Variants in NDC80 observed in about 807,000 individuals in gnomAD.
NDC80 encodes NDC80 kinetochore complex component, also known as kinetochore protein NDC80 homolog.
In NDC80, 69 loss-of-function variants were observed where a neutral mutation model predicts 89.3. That is an observed-to-expected ratio of 0.77 (90% CI 0.64 to 0.94). NDC80 has a LOEUF of 0.94. NDC80 is among the 40% of genes least tolerant of loss of function. The pLI is 0.00. For missense variants in NDC80, 593 were observed against 739.6 expected, an observed-to-expected ratio of 0.80 and a Z score of 2.30; for synonymous variants, 243 against 255.6, an observed-to-expected ratio of 0.95 and a Z score of 0.47.
intron 3 of NDC80, among the ~76,000 whole-genome samples, chr18:2,575,618 T>A (rs1007807290): frequency 1.8e-4 from 27 of 151,696 alleles, no homozygotes; most frequent in Middle Eastern, 6.8e-3. Context: ...CAAAAAAAAA[T>A]TTTTTTTAAT....
At chr18:2,611,328 C>T (rs566828920) in intron 16 of NDC80, among the ~76,000 whole-genome samples, 91 of 152,242 alleles carry the variant, frequency 6.0e-4, no homozygotes, top group African/African-American at 2.1e-3. Flanking sequence ...GGATTACAGG[C>T]GTGAGCCACC....
In NDC80 at chr18:2,608,682, G is replaced by A. The variant is rs141099368; in HGVS notation, c.1558-18G>A. Reference sequence around the variant, plus strand: ...TGTGAATATCAAGAAACCCATAACCGTGACTTTATCCTGATAGGAAGCAGA... The same window carrying A: ...TGTGAATATCAAGAAACCCATAACCATGACTTTATCCTGATAGGAAGCAGA... On this transcript the variant is annotated intron_variant, in intron 14 of 16. Coordinates refer to ENST00000261597, the MANE Select transcript of NDC80 (RefSeq NM_006101.3). 525 of 1,603,214 alleles carry A rather than the reference G, an allele frequency of 3.3e-4. 1 individual carries two copies. In the African/African-American group the frequency reaches 5.9e-3, roughly 18 times the overall value.
intron 2 of NDC80, among the ~76,000 whole-genome samples, chr18:2,573,551 A>G (rs549260011): frequency 7.7e-4 from 118 of 152,324 alleles, no homozygotes; most frequent in African/African-American, 2.6e-3. Context: ...TTTGCTGGAA[A>G]AATATCTGAA....
chr18:2,608,198 A>T (rs2072725127), intron 14 of NDC80, among the ~76,000 whole-genome samples: 1 of 151,030 alleles, frequency 6.6e-6, no homozygotes, highest in South Asian at 2.1e-4. Context: ...TCAAATTAAA[A>T]AATAATAAAA....
intron 13 of NDC80, among the ~76,000 whole-genome samples, chr18:2,603,508 A>G (rs896200726): frequency 1.3e-5 from 2 of 151,464 alleles, no homozygotes; most frequent in Non-Finnish European, 2.9e-5. Flanking sequence ...TTAAGATGGG[A>G]TGGGGTAAAA....
intron 9 of NDC80, 87 bp downstream of exon 9, chr18:2,589,397 A>T: frequency 3.4e-6 from 3 of 893,126 alleles, no homozygotes; most frequent in Non-Finnish European, 5.3e-6. Context: ...TCAAAATTTT[A>T]AAAAATAGAT....
intron 12 of NDC80, among the ~76,000 whole-genome samples, chr18:2,599,535 A>C (rs977703887): frequency 1.2e-4 from 18 of 152,186 alleles, no homozygotes; most frequent in Admixed American, 6.5e-5. Context: ...GGAGATGGTA[A>C]CCGTGGAATG....
At chr18:2,596,381 T>G (rs931660763) in intron 11 of NDC80, among the ~76,000 whole-genome samples, 1 of 151,788 alleles carries the variant, frequency 6.6e-6, no homozygotes, top group African/African-American at 2.4e-5. Context: ...GAACAGACAC[T>G]TCTCAAAAGA....
At chr18:2,600,173 A>G (rs1289846170) in intron 12 of NDC80, among the ~76,000 whole-genome samples, 2 of 152,250 alleles carry the variant, frequency 1.3e-5, no homozygotes, top group Non-Finnish European at 1.5e-5. Flanking sequence ...AGATTACACA[A>G]TGCAAAAAGA....
In NDC80 at chr18:2,573,028, T is replaced by C. The variant is rs763899942; in HGVS notation, c.43T>C (p.Ser15Pro). ...SVSSGGAGRL[S>P]MQELRSQDVN... ...TTCCAGCGGTGGTGCTGGCCGCCTC[T>C]CCATGCAGGAGTTAAGATCCCAGGA... Residue 15 changes from serine to proline, a missense_variant, in exon 2 of 17, where the codon TCC (serine) becomes CCC (proline). Physicochemically the swap from Ser to Pro is moderately conservative, Grantham distance 74. Coordinates refer to ENST00000261597, the MANE Select transcript of NDC80 (RefSeq NM_006101.3). 1.9e-6 allele frequency: 3 copies of C among 1,614,130 alleles called. No individual in the cohort carries two copies. In the Admixed American group the frequency reaches 5.0e-5, roughly 27 times the overall value.
At chr18:2,604,169 G>C (rs2072698499) in intron 13 of NDC80, among the ~76,000 whole-genome samples, 1 of 151,846 alleles carries the variant, frequency 6.6e-6, no homozygotes. Context: ...TGGGAAGATG[G>C]GCATGAAAAC....
intron 7 of NDC80, among the ~76,000 whole-genome samples, chr18:2,586,729 CA>C (rs66713799): frequency 0.98 from 149,028 of 151,472 alleles, 73,354 homozygotes; most frequent in East Asian, 1. Context: ...GACCCTGTCT[CA>C]AAAAAAAAAG....
intron 5 of NDC80, among the ~76,000 whole-genome samples, chr18:2,578,396 A>G (rs1451186597): frequency 6.6e-6 from 1 of 152,220 alleles, no homozygotes; most frequent in African/African-American, 2.4e-5. Flanking sequence ...GTACAGACGG[A>G]TAAAATCCAC....
At chr18:2,612,532 G>A (rs2111677) in intron 16 of NDC80, among the ~76,000 whole-genome samples, 58,557 of 151,576 alleles carry the variant, frequency 0.39, 12,473 homozygotes, top group East Asian at 0.68. Flanking sequence ...CAAGTGATCT[G>A]CCCACCTCAG....
chr18:2,581,036 G>A lies in NDC80; in HGVS notation c.579+2007G>A, dbSNP rs544980868. ...ATTACAGGCATGAGCCACCACGCCC[G>A]GCCCTCCAAGCCCATTATTTAAGTT... On this transcript the variant is annotated intron_variant, in intron 6 of 16. Transcript: ENST00000261597. Among the ~76,000 whole-genome samples, 3 of 151,970 alleles carry A rather than the reference G, an allele frequency of 2.0e-5. No individual in the cohort carries two copies. In the South Asian group the frequency reaches 6.2e-4, roughly 32 times the overall value.
chr18:2,604,396 G>A (rs2072699562), intron 13 of NDC80, among the ~76,000 whole-genome samples: 1 of 152,182 alleles, frequency 6.6e-6, no homozygotes, highest in Non-Finnish European at 1.5e-5. Flanking sequence ...AAGGAGTACA[G>A]CATGGACCGG....
At chr18:2,585,771 TGGAA>T (rs1213529577) in intron 7 of NDC80, among the ~76,000 whole-genome samples, 1 of 152,128 alleles carries the variant, frequency 6.6e-6, no homozygotes, top group African/African-American at 2.4e-5. Flanking sequence ...AAGTAAAAAA[TGGAA>T]GGGGATTGGA....
At chr18:2,594,085 G>A (rs2072641630) in intron 10 of NDC80, 1 of 163,048 alleles carries the variant, frequency 6.1e-6, no homozygotes, top group Non-Finnish European at 1.3e-5. Flanking sequence ...TAGAGACAGG[G>A]TTTCGCCATG....
intron 3 of NDC80, chr18:2,577,310 G>C (rs2072551922): frequency 6.3e-6 from 1 of 158,896 alleles, no homozygotes; most frequent in Admixed American, 6.1e-5. Context: ...TGCCTCGCCA[G>C]TTCAAGCAAT....
Sources: allele counts gnomAD v4.1 joint callset (sites outside exome capture counted in the v4.1 genomes callset), GRCh38; gene constraint gnomAD v4.1.1; transcripts MANE v1.5; gene names NCBI Gene and HGNC (gene_info 2026-07-23, HGNC 2026-07-21).